Variants in SNCAIP observed in about 807,000 individuals in gnomAD.
SNCAIP encodes the protein synphilin-1.
Under a neutral mutation model 86.7 loss-of-function variants are expected in SNCAIP, and 43 were observed. The observed-to-expected ratio is 0.50, with a 90% confidence interval of 0.39 to 0.64. SNCAIP has a LOEUF of 0.64. SNCAIP is among the 30% of genes least tolerant of loss of function. The pLI, the probability that SNCAIP is intolerant of heterozygous loss-of-function variation, is 0.00. For missense variants in SNCAIP, 981 were observed against 1,103.1 expected (o/e 0.89, Z 1.57); for synonymous variants, 417 against 427.2 (o/e 0.98, Z 0.29).
At chr5:122,402,423 C>T (rs1772020522) in intron 2 of SNCAIP, among the ~76,000 whole-genome samples, 1 of 152,134 alleles carries the variant, frequency 6.6e-6, no homozygotes, top group Non-Finnish European at 1.5e-5. Context: ...TGCTAAAGCA[C>T]CTGTAGTCTC....
At chr5:122,440,055 G>A (rs1362838987) in intron 6 of SNCAIP, among the ~76,000 whole-genome samples, 1 of 152,132 alleles carries the variant, frequency 6.6e-6, no homozygotes, top group Non-Finnish European at 1.5e-5. Flanking sequence ...GAGGGTCCTG[G>A]TTTTATTTCA....
intron 5 of SNCAIP, 71 bp from the exon 6 acceptor site, chr5:122,431,898 A>G: frequency 1.3e-6 from 1 of 773,956 alleles, no homozygotes; most frequent in Non-Finnish European, 2.3e-6. Context: ...TGGTGAAATT[A>G]CCATCTTTAA....
chr5:122,359,616 C>T (rs962690980), intron 1 of SNCAIP, among the ~76,000 whole-genome samples: 6 of 152,024 alleles, frequency 3.9e-5, no homozygotes, highest in East Asian at 1.9e-4. Flanking sequence ...CTGCCCACCT[C>T]GGACTCCCAA....
chr5:122,423,817 A>G, intron 4 of SNCAIP, 78 bp downstream of exon 4: 1 of 1,285,120 alleles, frequency 7.8e-7, no homozygotes, highest in East Asian at 2.3e-5. Context: ...TTAGTAACAG[A>G]ACGATGCTGC....
intron 1 of SNCAIP, among the ~76,000 whole-genome samples, chr5:122,373,056 G>A (rs145134104): frequency 4.9e-4 from 74 of 152,164 alleles, no homozygotes; most frequent in Middle Eastern, 3.4e-3. Context: ...GAGACATCCC[G>A]TACTTTAACT....
chr5:122,422,844 T>C (rs1264500156), intron 3 of SNCAIP, 24 bp from the exon 4 acceptor site: 10 of 1,602,094 alleles, frequency 6.2e-6, no homozygotes, highest in Non-Finnish European at 8.6e-6. Context: ...TTAATAGCTT[T>C]CTATTTTAAT....
chr5:122,421,014 G>A (rs1290969532), intron 3 of SNCAIP, among the ~76,000 whole-genome samples: 2 of 152,232 alleles, frequency 1.3e-5, no homozygotes, highest in Non-Finnish European at 1.5e-5. Context: ...TGCAAAGTGA[G>A]ATTCAAATTC....
At chr5:122,358,824 G>C (rs1266497320) in intron 1 of SNCAIP, among the ~76,000 whole-genome samples, 1 of 152,138 alleles carries the variant, frequency 6.6e-6, no homozygotes, top group Admixed American at 6.6e-5. Context: ...ATTAAAAGCA[G>C]CACCCTCTCG....
intron 2 of SNCAIP, among the ~76,000 whole-genome samples, chr5:122,400,685 T>C (rs1771613032): frequency 6.6e-6 from 1 of 152,186 alleles, no homozygotes; most frequent in South Asian, 2.1e-4. Flanking sequence ...GGCATTTGCC[T>C]GGCTAGAGGA....
chr5:122,351,672 G>T (rs186483434), intron 1 of SNCAIP, among the ~76,000 whole-genome samples: 1 of 151,342 alleles, frequency 6.6e-6, no homozygotes, highest in Non-Finnish European at 1.5e-5. Context: ...ACCCAGACAA[G>T]CCTGAACAAA....
intron 1 of SNCAIP, among the ~76,000 whole-genome samples, chr5:122,366,738 A>G (rs571520296): frequency 3.3e-5 from 5 of 152,248 alleles, no homozygotes; most frequent in African/African-American, 4.8e-5. Context: ...GGCACCCAAC[A>G]TGAGAGGCTT....
intron 5 of SNCAIP, among the ~76,000 whole-genome samples, chr5:122,430,032 TTCTCGGGCAAA>T (rs1322725003): frequency 6.6e-6 from 1 of 152,058 alleles, no homozygotes; most frequent in African/African-American, 2.4e-5. Flanking sequence ...CAGAACAACC[TTCTCGGGCAAA>T]TACCTCAGGA....
intron 7 of SNCAIP, chr5:122,443,537 A>T (rs947455949): frequency 1.1e-5 from 5 of 453,158 alleles, no homozygotes; most frequent in Admixed American, 4.8e-5. Context: ...TCTCAGTCTT[A>T]CTTCTGATTC....
At chr5:122,352,781 A>G (rs1390411138) in intron 1 of SNCAIP, among the ~76,000 whole-genome samples, 1 of 152,326 alleles carries the variant, frequency 6.6e-6, no homozygotes, top group East Asian at 1.9e-4. Context: ...AAGCTGAGGC[A>G]GGAGGATTGC....
Position 122,449,871 on chromosome 5 carries a change from A to G in SNCAIP, c.1619A>G (p.Gln540Arg). ...CAAACAGTAGAACGTGTCACGCTGC[A>G]GAACCAACTCCAACAATTTCTAGAA... ...KEQTVERVTL[Q>R]NQLQQFLEAQ... Residue 540 changes from glutamine to arginine, a missense_variant, in exon 9 of 11, where the codon CAG becomes CGG. Physicochemically the swap from Gln to Arg is conservative, Grantham distance 43. Coordinates refer to ENST00000261368, the MANE Select transcript of SNCAIP (RefSeq NM_005460.4). 1 of 1,614,080 alleles carries G rather than the reference A, an allele frequency of 6.2e-7. No homozygotes were observed. The highest frequency in any genetic ancestry group is 1.3e-5 in the African/African-American group (1 of 75,068).
chr5:122,375,252 T>C (rs1025827056), intron 1 of SNCAIP, among the ~76,000 whole-genome samples: 1 of 152,116 alleles, frequency 6.6e-6, no homozygotes, highest in African/African-American at 2.4e-5. Context: ...ATTGGAAGAA[T>C]TTATAAAACC....
At chr5:122,330,593 G>A (rs927818815) in intron 1 of SNCAIP, among the ~76,000 whole-genome samples, 3 of 152,110 alleles carry the variant, frequency 2.0e-5, no homozygotes, top group Admixed American at 6.6e-5. Context: ...TGCATTGTGA[G>A]GGTACAGTCT....
At chr5:122,393,992 T>G (rs1770032580) in intron 2 of SNCAIP, among the ~76,000 whole-genome samples, 1 of 152,168 alleles carries the variant, frequency 6.6e-6, no homozygotes, top group Non-Finnish European at 1.5e-5. Flanking sequence ...TAAGTGGAGA[T>G]TATTCAAATG....
At position 122,391,170 on chromosome 5, in the gene SNCAIP, T is replaced by A; in HGVS notation, c.36T>A (p.Ile12=). Residue 12 remains isoleucine, a synonymous_variant, in exon 2 of 11, where the codon ATT becomes ATA. Coordinates refer to ENST00000261368, the MANE Select transcript of SNCAIP (RefSeq NM_005460.4). ...EAPEYLDLDE[I]DFSDDISYSV... Reference sequence around the variant, plus strand: ...CTGAATACCTTGATTTGGATGAAATTGACTTTAGTGATGACATATCTGTAA... The same window carrying A: ...CTGAATACCTTGATTTGGATGAAATAGACTTTAGTGATGACATATCTGTAA... The A allele has an allele frequency of 6.2e-7, 1 of 1,610,894 alleles. No homozygotes were observed. Among genetic ancestry groups the A allele is most frequent in the Non-Finnish European group, 8.5e-7 (1 of 1,177,092 alleles).
Sources: gnomAD v4.1 joint callset for allele counts (sites outside exome capture counted in the v4.1 genomes callset) on GRCh38, gnomAD v4.1.1 for gene constraint, MANE v1.5 for transcripts, NCBI Gene and HGNC (gene_info 2026-07-23, HGNC 2026-07-21) for gene names.